Variants in AAMDC observed in about 807,000 individuals in gnomAD.
The protein encoded by AAMDC is mth938 domain-containing protein.
Under a neutral mutation model 15.5 loss-of-function variants are expected in AAMDC, and 16 were observed. That is an observed-to-expected ratio of 1.03 (90% CI 0.70 to 1.57). The LOEUF (loss-of-function observed/expected upper bound fraction) is 1.57, where lower values mean the gene tolerates loss of function less well. Ranked by LOEUF, AAMDC falls within the 40% of genes most tolerant of loss-of-function variation. The probability of loss-of-function intolerance (pLI) is 0.00; values close to 1 mark genes in which losing one functional copy is unlikely to be tolerated. For synonymous variants in AAMDC, 51 were observed against 51.6 expected, an observed-to-expected ratio of 0.99 and a Z score of 0.05; for missense variants, 141 against 144.9, an observed-to-expected ratio of 0.97 and a Z score of 0.14.
intron 2 of AAMDC, among the ~76,000 whole-genome samples, chr11:77,844,186 G>C (rs1371930366): frequency 6.6e-6 from 1 of 152,048 alleles, no homozygotes; most frequent in Non-Finnish European, 1.5e-5. Context: ...TAGCTTTTGG[G>C]CTTCTTATAA....
downstream of AAMDC, chr11:77,877,154 C>T: frequency 1.6e-6 from 1 of 641,438 alleles, no homozygotes; most frequent in South Asian, 1.8e-5. Context: ...AAATAGACTG[C>T]CAGATCTGTC....
intron 2 of AAMDC, among the ~76,000 whole-genome samples, chr11:77,857,497 C>T (rs1158782129): frequency 1.3e-5 from 2 of 152,122 alleles, no homozygotes; most frequent in African/African-American, 2.4e-5. Flanking sequence ...GCTCTAAAGT[C>T]ATATAATTGG....
chr11:77,904,991 A>G (rs954396656), downstream of AAMDC, among the ~76,000 whole-genome samples: 3 of 152,194 alleles, frequency 2.0e-5, no homozygotes, highest in African/African-American at 7.2e-5. Flanking sequence ...AGATTAAGGA[A>G]TATCAGAAAC....
intron 1 of AAMDC, among the ~76,000 whole-genome samples, chr11:77,836,919 C>T (rs924151092): frequency 2.6e-5 from 4 of 152,042 alleles, no homozygotes; most frequent in Admixed American, 1.3e-4. Flanking sequence ...GAGCCAAGAT[C>T]GCGCCATTGC....
chr11:77,842,547 A>G lies in AAMDC; in HGVS notation c.51A>G (p.Lys17=). The part of the protein sequence containing the change: ...ASLSWGQMKV[K]GSNTTYKDCK... ...TATCATGGGGGCAAATGAAAGTAAA[A>G]GGCTCTAATACAACCTATAAGGACT... The change falls in exon 2 of 4, where the codon AAA becomes AAG. Residue 17 remains lysine, a synonymous_variant. Coordinates refer to ENST00000393427, the MANE Select transcript of AAMDC (RefSeq NM_024684.4). 5 of 1,614,046 alleles carry G rather than the reference A, an allele frequency of 3.1e-6. No individual in the cohort carries two copies. Among genetic ancestry groups the G allele is most frequent in the Non-Finnish European group, 4.2e-6 (5 of 1,179,986 alleles).
intron 2 of AAMDC, among the ~76,000 whole-genome samples, chr11:77,868,229 G>C (rs1382380658): frequency 6.8e-6 from 1 of 148,068 alleles, no homozygotes; most frequent in Non-Finnish European, 1.5e-5. Flanking sequence ...CTAATTTTTT[G>C]TATGTTTAGT....
chr11:77,895,072 T>A (rs1335373648), intron 5 of AAMDC, among the ~76,000 whole-genome samples: 1 of 152,196 alleles, frequency 6.6e-6, no homozygotes, highest in Non-Finnish European at 1.5e-5. Flanking sequence ...TGTTCCTTCC[T>A]CTCTATCTTG....
At chr11:77,896,682 A>C (rs2136419123) in intron 5 of AAMDC, among the ~76,000 whole-genome samples, 1 of 151,844 alleles carries the variant, frequency 6.6e-6, no homozygotes, top group African/African-American at 2.4e-5. Context: ...ATTTACTCAG[A>C]ATACAGAATA....
At chr11:77,888,394 C>T (rs1458525768) in intron 5 of AAMDC, among the ~76,000 whole-genome samples, 2 of 152,160 alleles carry the variant, frequency 1.3e-5, no homozygotes, top group African/African-American at 4.8e-5. Context: ...AAACTGGATC[C>T]CTTCCTTATG....
downstream of AAMDC, among the ~76,000 whole-genome samples, chr11:77,905,107 C>T (rs1055596906): frequency 6.6e-6 from 1 of 152,006 alleles, no homozygotes; most frequent in African/African-American, 2.4e-5. Flanking sequence ...GACTATCTGC[C>T]CTCAATGTTG....
intron 2 of AAMDC, among the ~76,000 whole-genome samples, chr11:77,850,056 A>G (rs1053122084): frequency 6.6e-6 from 1 of 152,240 alleles, no homozygotes; most frequent in African/African-American, 2.4e-5. Flanking sequence ...CAAGAACTCA[A>G]TAAATGTTTG....
intron 2 of AAMDC, among the ~76,000 whole-genome samples, chr11:77,849,448 T>C (rs1950282049): frequency 6.6e-6 from 1 of 152,168 alleles, no homozygotes. Context: ...TGTCTCAAAC[T>C]CCTGACCTCA....
intron 1 of AAMDC, among the ~76,000 whole-genome samples, chr11:77,831,298 A>C (rs1049417718): frequency 6.6e-6 from 1 of 152,136 alleles, no homozygotes; most frequent in Non-Finnish European, 1.5e-5. Context: ...ATAGCTCCTC[A>C]AAATGATAAA....
chr11:77,868,959 T>C, intron 2 of AAMDC: 1 of 268,536 alleles, frequency 3.7e-6, no homozygotes, highest in Non-Finnish European at 7.2e-6. Flanking sequence ...CTGTAACTTA[T>C]TTGTTTACAA....
downstream of AAMDC, among the ~76,000 whole-genome samples, chr11:77,873,964 GTAGT>G (rs933948235): frequency 1.3e-5 from 2 of 152,200 alleles, no homozygotes; most frequent in Non-Finnish European, 2.9e-5. Flanking sequence ...ACCTGACTAC[GTAGT>G]TAGTTAGGCT....
intron 1 of AAMDC, among the ~76,000 whole-genome samples, chr11:77,821,652 A>G (rs1045698724): frequency 3.9e-5 from 6 of 151,912 alleles, no homozygotes; most frequent in Admixed American, 6.6e-5. Context: ...CTGGGACTCC[A>G]TTGAGAGGCG....
At chr11:77,880,970 C>T (rs1247568129) in intron 5 of AAMDC, among the ~76,000 whole-genome samples, 1 of 152,038 alleles carries the variant, frequency 6.6e-6, no homozygotes, top group Admixed American at 6.6e-5. Flanking sequence ...CAAATAAATC[C>T]TGCTAAGGTC....
In AAMDC at chr11:77,821,251, C is replaced by CTAT. The variant is rs1948883931; in HGVS notation, c.-19+10_-19+11insTAT. 2.6e-5 allele frequency: 6 copies of CTAT among 228,744 alleles called. No homozygotes were observed. The highest frequency in any genetic ancestry group is 1.4e-3 in the Middle Eastern group (1 of 732). 14.2% of individuals were successfully genotyped at this position (228,744 alleles called of 1,614,324 possible). On this transcript the variant is annotated intron_variant, in intron 1 of 3. Transcript: ENST00000393427. ...GGAGACAGTGCGGTGGGTGAGTTTG[C>CTAT]GGGGGAATCCTGAAACTGGGCCACG...
intron 5 of AAMDC, chr11:77,891,474 A>G (rs1288909193): frequency 1.2e-6 from 2 of 1,613,440 alleles, no homozygotes. Flanking sequence ...TGTAAGCAAG[A>G]GGAAAATCCT....
Sources: gnomAD v4.1 joint callset for allele counts (sites outside exome capture counted in the v4.1 genomes callset) on GRCh38, gnomAD v4.1.1 for gene constraint, MANE v1.5 for transcripts, NCBI Gene and HGNC (gene_info 2026-07-23, HGNC 2026-07-21) for gene names.